SEC11C: variants seen among roughly 807,000 people sequenced by gnomAD.
The protein encoded by SEC11C is signal peptidase complex catalytic subunit SEC11C.
A neutral mutation model predicts 21.9 loss-of-function variants in SEC11C; 10 were observed. The observed-to-expected ratio is 0.46, with a 90% CI of 0.28 to 0.77. SEC11C has a LOEUF of 0.77. SEC11C is among the 30% of genes least tolerant of loss of function. The pLI is 0.12. For synonymous variants in SEC11C, 83 were observed against 85.6 expected (o/e 0.97, Z 0.17); for missense variants, 145 against 244.5 (o/e 0.59, Z 2.71).
rs115047116 is a variant in SEC11C at position 59,145,123 on chromosome 18, C to T, written c.88-4390C>T. 5.9e-3 allele frequency among the ~76,000 whole-genome samples: 891 copies of T among 152,268 alleles called. 9 individuals carry two copies. The highest frequency in any genetic ancestry group is 0.018 in the African/African-American group (741 of 41,550). ...TTAATTATGATGCTGATGAACGATA[C>T]AAAGAAATACAGGATGCAGTGAGAA... is the stretch of plus-strand genomic sequence containing the variant. On this transcript the variant is annotated intron_variant, in intron 1 of 5. Coordinates refer to ENST00000587834, the MANE Select transcript of SEC11C (RefSeq NM_033280.4).
rs1270727618 is a variant in SEC11C at position 59,139,943 on chromosome 18, C to T, written c.-6C>T. 1.9e-6 allele frequency: 3 copies of T among 1,548,952 alleles called. No individual in the cohort carries two copies. In the East Asian group the frequency reaches 7.4e-5, roughly 38 times the overall value. ...GGCGGGCCGCTAGGTCCCCGGAGAC[C>T]CTGCTATGGTGCGTGCGGGCGCCGT... On this transcript the variant is annotated 5_prime_UTR_variant, in exon 1 of 6. Coordinates refer to ENST00000587834, the MANE Select transcript of SEC11C (RefSeq NM_033280.4).
chr18:59,151,319 CTTT>C (rs34093810), intron 2 of SEC11C, among the ~76,000 whole-genome samples: 12 of 145,752 alleles, frequency 8.2e-5, no homozygotes, highest in African/African-American at 1.8e-4. Context: ...AGCATTTTAG[CTTT>C]TTTTTTTTTT....
chr18:59,148,733 G>A (rs1258195011), intron 1 of SEC11C, among the ~76,000 whole-genome samples: 1 of 151,880 alleles, frequency 6.6e-6, no homozygotes, highest in Non-Finnish European at 1.5e-5. Flanking sequence ...CCTGCCTCCG[G>A]CTCCCAAGTA....
intron 1 of SEC11C, among the ~76,000 whole-genome samples, chr18:59,143,352 C>CAAAAAA (rs36204971): frequency 4.5e-5 from 5 of 111,190 alleles, no homozygotes; most frequent in East Asian, 4.4e-4. Context: ...GACTCCATTT[C>CAAAAAA]AAAAAAAAAA....
intron 1 of SEC11C, among the ~76,000 whole-genome samples, chr18:59,149,219 A>G (rs1467177607): frequency 6.6e-6 from 1 of 152,342 alleles, no homozygotes; most frequent in South Asian, 2.1e-4. Flanking sequence ...TCTCTAGGGT[A>G]TAAGGTGCTG....
chr18:59,150,846 C>T (rs1396473152), intron 2 of SEC11C, among the ~76,000 whole-genome samples: 1 of 152,158 alleles, frequency 6.6e-6, no homozygotes, highest in Non-Finnish European at 1.5e-5. Context: ...AAGCCTCAAG[C>T]ATCTCCCAGT....
rs1375017591 is a variant in SEC11C at position 59,142,982 on chromosome 18, T to C, written c.87+2947T>C. Among the ~76,000 whole-genome samples the C allele has an allele frequency of 2.0e-5, 3 of 152,300 alleles. 1 individual carries two copies. The highest frequency in any genetic ancestry group is 2.0e-4 in the Admixed American group (3 of 15,296). On this transcript the variant is annotated intron_variant, in intron 1 of 5. Coordinates refer to ENST00000587834, the MANE Select transcript of SEC11C (RefSeq NM_033280.4). ...TGTCAATGTCTGCTTAGCACTCCAG[T>C]TTCCTTTTTCACTCTCCTGGGAATA...
chr18:59,140,087 G>T, intron 1 of SEC11C, 52 bp downstream of exon 1: 2 of 1,460,506 alleles, frequency 1.4e-6, no homozygotes, highest in Non-Finnish European at 1.8e-6. Flanking sequence ...CTGTGCTAGC[G>T]GGGAGTCGGG....
At chr18:59,154,831 C>T (rs2069401250) in intron 3 of SEC11C, among the ~76,000 whole-genome samples, 1 of 152,112 alleles carries the variant, frequency 6.6e-6, no homozygotes, top group Admixed American at 6.6e-5. Context: ...TTTGGGAGGC[C>T]AAGGCGGGTG....
chr18:59,142,952 C>T lies in SEC11C; in HGVS notation c.87+2917C>T, dbSNP rs1330196143. Among the ~76,000 whole-genome samples, 5 of 152,212 alleles carry T rather than the reference C, an allele frequency of 3.3e-5. No individual in the cohort carries two copies. The East Asian group carries it at 7.7e-4, about 23-fold the overall frequency. On this transcript the variant is annotated intron_variant, in intron 1 of 5. Transcript: ENST00000587834. ...AATGGTTTAACATATTATAGCCCAACACTTTGTCAATGTCTGCTTAGCACT... is the reference window on the plus strand; with the variant it reads ...AATGGTTTAACATATTATAGCCCAATACTTTGTCAATGTCTGCTTAGCACT...
At position 59,152,518 on chromosome 18, in the gene SEC11C, C is replaced by CTT. The variant is rs774840082; in HGVS notation, c.198-16_198-15dup. 2.5e-6 allele frequency: 4 copies of CTT among 1,589,022 alleles called. No homozygotes were observed. In the African/African-American group the frequency reaches 4.1e-5, roughly 16 times the overall value. ...GGACACAGGGTAATGCTGATACTGACTTTGTGCTTCTTTCCAGTGGCAGTA... is the reference window on the plus strand; with the variant it reads ...GGACACAGGGTAATGCTGATACTGACTTTTTGTGCTTCTTTCCAGTGGCAGTA... On this transcript the variant is annotated splice_polypyrimidine_tract_variant and intron_variant, in intron 2 of 5. Coordinates refer to ENST00000587834, the MANE Select transcript of SEC11C (RefSeq NM_033280.4).
Position 59,149,578 on chromosome 18 carries a change from G to A in SEC11C, c.153G>A (p.Leu51=). 1.2e-6 allele frequency: 2 copies of A among 1,613,176 alleles called. No individual in the cohort carries two copies. The highest frequency in any genetic ancestry group is 1.7e-6 in the Non-Finnish European group (2 of 1,179,218). The change falls in exon 2 of 6, where the codon TTG becomes TTA. Residue 51 remains leucine, a synonymous_variant. Transcript: ENST00000587834. ...CTGCACTCATGATATGGAAAGGCTT[G>A]ATCGTGCTCACAGGCAGTGAGAGCC... is the stretch of plus-strand genomic sequence containing the variant. ...VSSALMIWKG[L]IVLTGSESPI... is the part of the protein sequence containing the mutation.
chr18:59,143,284 C>T (rs1435446093), intron 1 of SEC11C, among the ~76,000 whole-genome samples: 1 of 141,164 alleles, frequency 7.1e-6, no homozygotes, highest in Non-Finnish European at 1.5e-5. Context: ...GCCAAGGAGG[C>T]GGAGGTTGTA....
At position 59,155,726 on chromosome 18, in the gene SEC11C, A is replaced by G. The variant is rs1267484243; in HGVS notation, c.386A>G (p.Asn129Ser). 1.9e-6 allele frequency: 3 copies of G among 1,613,876 alleles called. No individual in the cohort carries two copies. Among genetic ancestry groups the G allele is most frequent in the Non-Finnish European group, 2.5e-6 (3 of 1,179,790 alleles). The change falls in exon 4 of 6, where the codon AAT (asparagine) becomes AGT (serine). Residue 129 changes from asparagine to serine, a missense_variant. Transcript: ENST00000587834. ...ATCAAATTTCTGACTAAAGGAGATAATAATGAAGTTGATGATAGAGGCTTG... is the reference window on the plus strand; with the variant it reads ...ATCAAATTTCTGACTAAAGGAGATAGTAATGAAGTTGATGATAGAGGCTTG... The part of the protein sequence containing the change: ...GDIKFLTKGD[N>S]NEVDDRGLYK...
intron 2 of SEC11C, among the ~76,000 whole-genome samples, chr18:59,151,248 A>C (rs1377511941): frequency 6.6e-6 from 1 of 151,132 alleles, no homozygotes; most frequent in African/African-American, 2.4e-5. Context: ...ACATCTTCCC[A>C]CTGTATCTTC....
chr18:59,149,149 G>A (rs1035452187), intron 1 of SEC11C, among the ~76,000 whole-genome samples: 5 of 152,166 alleles, frequency 3.3e-5, no homozygotes, highest in South Asian at 2.1e-4. Context: ...CCCATGCTGC[G>A]CTGTGTCTGG....
At chr18:59,152,150 T>C (rs1458448741) in intron 2 of SEC11C, among the ~76,000 whole-genome samples, 1 of 152,026 alleles carries the variant, frequency 6.6e-6, no homozygotes, top group African/African-American at 2.4e-5. Flanking sequence ...GGAGGCCTGC[T>C]CTAAAGTGAA....
At chr18:59,152,379 C>T (rs945216932) in intron 2 of SEC11C, among the ~76,000 whole-genome samples, 157 bp from the exon 3 acceptor site, 6 of 152,188 alleles carry the variant, frequency 3.9e-5, no homozygotes, top group Non-Finnish European at 8.8e-5. Flanking sequence ...TCCTTTCGCA[C>T]ATGTTACCAC....
At chr18:59,151,867 A>G (rs991383564) in intron 2 of SEC11C, among the ~76,000 whole-genome samples, 2 of 152,232 alleles carry the variant, frequency 1.3e-5, no homozygotes, top group Admixed American at 6.5e-5. Flanking sequence ...CTTCCAGCAT[A>G]TCGCAATTTA....
Sources: gnomAD v4.1 joint callset for allele counts (sites outside exome capture counted in the v4.1 genomes callset) on GRCh38, gnomAD v4.1.1 for gene constraint, MANE v1.5 for transcripts, NCBI Gene and HGNC (gene_info 2026-07-23, HGNC 2026-07-21) for gene names.